The following TDRD9 variants were observed in gnomAD, a reference collection of about 807,000 sequenced individuals.
TDRD9 encodes the protein tudor domain containing 9, also known as ATP-dependent RNA helicase TDRD9.
A neutral mutation model predicts 172.6 loss-of-function variants in TDRD9; 124 were observed. That is an observed-to-expected ratio of 0.72 (90% CI 0.62 to 0.83). The LOEUF is 0.83. Among genes scored for constraint, TDRD9 ranks in the 40% least tolerant of loss-of-function variants. The probability of loss-of-function intolerance (pLI) is 0.00; values close to 1 mark genes in which losing one functional copy is unlikely to be tolerated. For synonymous variants in TDRD9, 619 were observed against 617.1 expected (o/e 1.00, Z -0.05); for missense variants, 1,479 against 1,714.1 (o/e 0.86, Z 2.42).
chr14:103,935,930 C>T (rs1331712428), intron 1 of TDRD9, among the ~76,000 whole-genome samples: 1 of 152,010 alleles, frequency 6.6e-6, no homozygotes, highest in Non-Finnish European at 1.5e-5. Flanking sequence ...AGTAGGAACT[C>T]AGATATTTGT....
intron 1 of TDRD9, among the ~76,000 whole-genome samples, chr14:103,951,789 C>T (rs2031883281): frequency 6.6e-6 from 1 of 151,028 alleles, no homozygotes; most frequent in Non-Finnish European, 1.5e-5. Flanking sequence ...TTTTTTGAGA[C>T]GGAGTCTTGC....
chr14:103,964,071 A>G (rs1380771921), intron 3 of TDRD9, among the ~76,000 whole-genome samples: 1 of 152,092 alleles, frequency 6.6e-6, no homozygotes, highest in East Asian at 1.9e-4. Context: ...GCAAGACCTC[A>G]TCTCTACAAA....
Position 104,008,075 on chromosome 14 carries a change from G to A in TDRD9, c.2053-338G>A, listed in dbSNP as rs186549891. Among the ~76,000 whole-genome samples, 5 of 152,232 alleles carry A rather than the reference G, an allele frequency of 3.3e-5. No homozygotes were observed. The East Asian group carries it at 9.6e-4, about 29-fold the overall frequency. Reference sequence around the variant, plus strand: ...ATTACAGGCGTGAACCACCGCGCCTGGCTTAAAGTCTTTTAAAGGCTCAGC... The same window carrying A: ...ATTACAGGCGTGAACCACCGCGCCTAGCTTAAAGTCTTTTAAAGGCTCAGC... On this transcript the variant is annotated intron_variant, in intron 19 of 35. Transcript: ENST00000409874.
At chr14:103,959,489 CAT>C (rs1186562970) in intron 2 of TDRD9, among the ~76,000 whole-genome samples, 62 of 77,372 alleles carry the variant, frequency 8.0e-4, no homozygotes, top group African/African-American at 3.6e-3. Context: ...TGTATGTATA[CAT>C]ACACACACAC....
At chr14:104,026,496 T>C (rs2035122488) in intron 27 of TDRD9, among the ~76,000 whole-genome samples, 183 bp from the exon 28 acceptor site, 1 of 152,206 alleles carries the variant, frequency 6.6e-6, no homozygotes, top group Admixed American at 6.5e-5. Flanking sequence ...ATATTTCTTA[T>C]TGTTGTTAAA....
intron 12 of TDRD9, among the ~76,000 whole-genome samples, 186 bp downstream of exon 12, chr14:103,995,993 G>GTAC (rs2034046338): frequency 6.6e-6 from 1 of 152,194 alleles, no homozygotes; most frequent in Non-Finnish European, 1.5e-5. Context: ...TCCTCTGAGT[G>GTAC]TACCTGTTTC....
At chr14:103,973,977 C>T (rs892457706) in intron 6 of TDRD9, among the ~76,000 whole-genome samples, 7 of 152,134 alleles carry the variant, frequency 4.6e-5, no homozygotes, top group African/African-American at 1.7e-4. Flanking sequence ...GTGGGCAGAT[C>T]GCCTGAGCTC....
intron 27 of TDRD9, 84 bp downstream of exon 27, chr14:104,026,220 C>A: frequency 1.1e-6 from 1 of 942,094 alleles, no homozygotes; most frequent in Non-Finnish European, 1.7e-6. Context: ...TGGTGCCCTG[C>A]CTCGGCTTAC....
intron 34 of TDRD9, among the ~76,000 whole-genome samples, chr14:104,044,676 A>C (rs952312876): frequency 3.3e-5 from 5 of 152,138 alleles, no homozygotes; most frequent in African/African-American, 1.2e-4. Context: ...CACTTTTTTA[A>C]TCCATTCACC....
At position 103,998,623 on chromosome 14, in the gene TDRD9, G is replaced by T. The variant is rs750786935; in HGVS notation, c.1379-1G>T. On this transcript the variant is annotated splice_acceptor_variant, in intron 12 of 35. Coordinates refer to ENST00000409874, the MANE Select transcript of TDRD9 (RefSeq NM_153046.3). LOFTEE classifies it high-confidence loss of function. Reference sequence around the variant, plus strand: ...TTACAGTCCTTTTTTTTAAATGGCAGTTATAGATTTTTGTTTGACTAGAAC... The same window carrying T: ...TTACAGTCCTTTTTTTTAAATGGCATTTATAGATTTTTGTTTGACTAGAAC... 6.4e-7 allele frequency: 1 copy of T among 1,556,164 alleles called. No homozygotes were observed. Among genetic ancestry groups the T allele is most frequent in the Non-Finnish European group, 8.9e-7 (1 of 1,129,184 alleles).
intron 6 of TDRD9, among the ~76,000 whole-genome samples, chr14:103,973,712 A>G (rs1007705552): frequency 6.6e-6 from 1 of 152,324 alleles, no homozygotes; most frequent in Middle Eastern, 3.4e-3. Flanking sequence ...GAGATCATTT[A>G]TGGTGACTGG....
intron 1 of TDRD9, among the ~76,000 whole-genome samples, chr14:103,930,959 A>G (rs1691984585): frequency 6.6e-6 from 1 of 152,168 alleles, no homozygotes; most frequent in African/African-American, 2.4e-5. Flanking sequence ...TTTCAGAGCA[A>G]TGAAATGAAA....
chr14:103,949,454 A>G (rs1464444898), intron 1 of TDRD9, among the ~76,000 whole-genome samples: 1 of 152,238 alleles, frequency 6.6e-6, no homozygotes, highest in Non-Finnish European at 1.5e-5. Flanking sequence ...CCTCCAAACA[A>G]AAACAATCCA....
chr14:104,046,950 C>G (rs1596034356), intron 34 of TDRD9, among the ~76,000 whole-genome samples: 2 of 152,308 alleles, frequency 1.3e-5, no homozygotes, highest in African/African-American at 2.4e-5. Flanking sequence ...CTGGCCTGCT[C>G]TTTTTCAAAA....
rs182053136 is a variant in TDRD9, at chr14:103,973,260, G to A, written c.847-2129G>A. Among the ~76,000 whole-genome samples, 9 of 152,270 alleles carry A rather than the reference G, an allele frequency of 5.9e-5. No individual in the cohort carries two copies. In the East Asian group the frequency reaches 1.2e-3, roughly 20 times the overall value. On this transcript the variant is annotated intron_variant, in intron 6 of 35. Coordinates refer to ENST00000409874, the MANE Select transcript of TDRD9 (RefSeq NM_153046.3). ...CCATATTCTAGGTGGTTTTGTAAGA[G>A]GTTTTTAAAAAACTCTCAAAAAATC...
chr14:103,985,307 G>A (rs1230113501), intron 7 of TDRD9, among the ~76,000 whole-genome samples: 2 of 152,144 alleles, frequency 1.3e-5, no homozygotes, highest in Admixed American at 6.5e-5. Flanking sequence ...CCAGTGGGAG[G>A]TAATTGAATC....
Position 104,034,761 on chromosome 14 carries a change from A to G in TDRD9, c.3620-199A>G, listed in dbSNP as rs563938809. 2.2e-4 allele frequency among the ~76,000 whole-genome samples: 34 copies of G among 152,350 alleles called. 1 individual carries two copies. The highest frequency in any genetic ancestry group is 4.0e-4 in the Non-Finnish European group (27 of 68,036). On this transcript the variant is annotated intron_variant, in intron 31 of 35. Coordinates refer to ENST00000409874, the MANE Select transcript of TDRD9 (RefSeq NM_153046.3). The stretch of plus-strand genomic sequence containing the variant: ...CAAGTGGGGTAAAAGCTTACGCATC[A>G]TAGCGTAGTGTCTCTCTGTAGGGTA...
intron 32 of TDRD9, 95 bp downstream of exon 32, chr14:104,035,151 T>G (rs912810609): frequency 1.1e-6 from 1 of 945,052 alleles, no homozygotes; most frequent in Non-Finnish European, 1.6e-6. Flanking sequence ...AAAGAAAGCC[T>G]TTATGGAAGC....
At chr14:104,049,546 T>G in intron 34 of TDRD9, 62 bp from the exon 35 acceptor site, 5 of 1,342,304 alleles carry the variant, frequency 3.7e-6, no homozygotes, top group Non-Finnish European at 5.1e-6. Context: ...TTTAAAAAAA[T>G]CACAGCAGTG....
Sources: gnomAD v4.1 joint callset for allele counts (sites outside exome capture counted in the v4.1 genomes callset) on GRCh38, gnomAD v4.1.1 for gene constraint, MANE v1.5 for transcripts, NCBI Gene and HGNC (gene_info 2026-07-23, HGNC 2026-07-21) for gene names.